Variants in DOCK6 observed in about 807,000 individuals in gnomAD.
The protein encoded by DOCK6 is dedicator of cytokinesis protein 6.
In DOCK6, 167 loss-of-function variants were observed where a neutral mutation model predicts 230.3. The observed-to-expected ratio is 0.73, with a 90% CI of 0.64 to 0.82. The LOEUF (loss-of-function observed/expected upper bound fraction) is 0.82, where lower values mean the gene tolerates loss of function less well. Ranked by LOEUF, DOCK6 falls within the 40% of genes least tolerant of loss-of-function variation. The pLI, the probability that DOCK6 is intolerant of heterozygous loss-of-function variation, is 0.00. For synonymous variants in DOCK6, 1,148 were observed against 1,185.0 expected, an observed-to-expected ratio of 0.97 and a Z score of 0.64; for missense variants, 2,598 against 2,825.8, an observed-to-expected ratio of 0.92 and a Z score of 1.83.
intron 22 of DOCK6, 137 bp from the exon 23 acceptor site, chr19:11,229,172 G>A (rs1455661719): frequency 5.8e-6 from 7 of 1,210,656 alleles, no homozygotes; most frequent in Non-Finnish European, 7.9e-6. Flanking sequence ...AGGGGGACAA[G>A]AGGAGTGGAA....
intron 22 of DOCK6, among the ~76,000 whole-genome samples, chr19:11,230,064 AAGG>A (rs2079739433): frequency 1.3e-5 from 2 of 150,418 alleles, no homozygotes; most frequent in African/African-American, 4.9e-5. Context: ...AAAAAAAAAA[AAGG>A]AGGATGCTGT....
chr19:11,212,565 C>CTT (rs111849239), intron 35 of DOCK6, among the ~76,000 whole-genome samples: 2 of 31,486 alleles, frequency 6.4e-5, no homozygotes, highest in Non-Finnish European at 2.6e-4. Context: ...TTCTTTCTTT[C>CTT]TTTTTTTTTT....
chr19:11,249,631 C>T (rs1404876771), intron 6 of DOCK6, among the ~76,000 whole-genome samples: 1 of 151,762 alleles, frequency 6.6e-6, no homozygotes, highest in Non-Finnish European at 1.5e-5. Context: ...CGCGGTGGCT[C>T]AAGCCTGTAA....
Position 11,202,087 on chromosome 19 carries a change from A to C in DOCK6, c.5490T>G (p.Asp1830Glu). ...IQITYVEPYF[D>E]TYELKDRVTY... ...TCACCCGGTCCTTGAGCTCGTAGGT[A>C]TCAAAGTACGGTTCCACATACGTGA... The change falls in exon 44 of 48, where the codon GAT (aspartate) becomes GAG (glutamate). Residue 1830 changes from aspartate to glutamate, a missense_variant. Asp to Glu is a conservative substitution (Grantham distance 45). Transcript: ENST00000294618. This position sits in a 1 kb window ranked among gnomAD's most constrained non-coding sequence, Gnocchi z 5.3. 1.9e-6 allele frequency: 3 copies of C among 1,614,032 alleles called. No individual in the cohort carries two copies. The highest frequency in any genetic ancestry group is 2.5e-6 in the Non-Finnish European group (3 of 1,179,898).
chr19:11,249,005 G>C (rs910026584), intron 6 of DOCK6, among the ~76,000 whole-genome samples: 9 of 152,156 alleles, frequency 5.9e-5, no homozygotes, highest in African/African-American at 2.2e-4. Context: ...GGTGTATATA[G>C]TAAGCACTCA....
chr19:11,208,469 C>G (rs2147724189), intron 39 of DOCK6: 2 of 503,026 alleles, frequency 4.0e-6, no homozygotes, highest in East Asian at 6.7e-5. Context: ...TTAGTAGAGA[C>G]AGGGTTTCAC....
rs890826443 is a variant in DOCK6, at chr19:11,251,255, A to G, written c.508-169T>C. 6 of 654,948 alleles carry G rather than the reference A, an allele frequency of 9.2e-6. No homozygotes were observed. In the Admixed American group the frequency reaches 1.4e-4, roughly 15 times the overall value. The allele number at this position is 654,948 out of a possible 1,614,324, so 40.6% of individuals were successfully genotyped here. A position where few individuals can be genotyped will look rare whatever the true frequency, so the allele number is the denominator to read the frequency against. On this transcript the variant is annotated intron_variant, in intron 5 of 47. Transcript: ENST00000294618. Reference sequence around the variant, plus strand: ...GGTTTTGCCTACCCTCTTTCCAGAAACTTCTGTCTGGAGAGCCTCCCAACT... The same window carrying G: ...GGTTTTGCCTACCCTCTTTCCAGAAGCTTCTGTCTGGAGAGCCTCCCAACT...
At chr19:11,253,050 C>CA (rs1436707499) in intron 2 of DOCK6, 92 bp from the exon 3 acceptor site, 19 of 1,291,732 alleles carry the variant, frequency 1.5e-5, no homozygotes, top group African/African-American at 3.0e-5. Context: ...GCTTCAAACT[C>CA]AAATAGGAGG....
chr19:11,252,683 C>A, intron 3 of DOCK6, 100 bp downstream of exon 3: 1 of 1,598,130 alleles, frequency 6.3e-7, no homozygotes. Flanking sequence ...CATGGCTTGT[C>A]CAACGTCACG....
At chr19:11,249,815 G>A (rs1385593688) in intron 6 of DOCK6, among the ~76,000 whole-genome samples, 4 of 136,260 alleles carry the variant, frequency 2.9e-5, no homozygotes, top group East Asian at 5.0e-4. Flanking sequence ...GGAGAATGGC[G>A]TGAACCCGGG....
chr19:11,199,391 TG>T lies in DOCK6; in HGVS notation c.*105del. ...AGAGGGCCCAGCCCCAAGTACAGTG[TG>T]GTCACCCCACAGCCCAGTGGGCACC... is the stretch of plus-strand genomic sequence containing the variant. On this transcript the variant is annotated 3_prime_UTR_variant, in exon 48 of 48. Coordinates refer to ENST00000294618, the MANE Select transcript of DOCK6 (RefSeq NM_020812.4). 1 of 1,342,688 alleles carries T rather than the reference TG, an allele frequency of 7.4e-7. No homozygotes were observed. Among genetic ancestry groups the T allele is most frequent in the Non-Finnish European group, 1.0e-6 (1 of 957,654 alleles). The allele number at this position is 1,342,688 out of a possible 1,614,324, so 83.2% of individuals were successfully genotyped here.
At chr19:11,219,500 T>C (rs1384885748) in intron 28 of DOCK6, among the ~76,000 whole-genome samples, 2 of 151,224 alleles carry the variant, frequency 1.3e-5, no homozygotes, top group Non-Finnish European at 2.9e-5. Context: ...AAAAAATCAC[T>C]GTTAATCGGC....
chr19:11,215,299 C>A (rs1286940643), intron 32 of DOCK6, 88 bp downstream of exon 32: 7 of 1,208,576 alleles, frequency 5.8e-6, no homozygotes, highest in Non-Finnish European at 8.4e-6. Flanking sequence ...GTTGCCCAGG[C>A]TGGTCTCGAA....
In DOCK6 at chr19:11,208,690, G is replaced by A. The variant is rs2079306475; in HGVS notation, c.5084C>T (p.Thr1695Ile). 2 of 1,610,654 alleles carry A rather than the reference G, an allele frequency of 1.2e-6. No homozygotes were observed. The highest frequency in any genetic ancestry group is 1.7e-6 in the Non-Finnish European group (2 of 1,177,392). Residue 1695 changes from threonine to isoleucine, a missense_variant, in exon 39 of 48, where the codon ACC becomes ATC. Thr to Ile is a moderately conservative substitution (Grantham distance 89). Transcript: ENST00000294618. ...GLLEQAAGYF[T>I]MGGLYEAVNE... The stretch of plus-strand genomic sequence containing the variant: ...ACCCAGTCCCCAAGGCCTCACCATG[G>A]TGAAGTAGCCGGCTGCCTGTTCCAG...
chr19:11,200,242 T>C lies in DOCK6; in HGVS notation c.6101+66A>G. The C allele has an allele frequency of 4.0e-6, 6 of 1,495,284 alleles. No individual in the cohort carries two copies. Among genetic ancestry groups the C allele is most frequent in the Non-Finnish European group, 5.4e-6 (6 of 1,111,942 alleles). 92.6% of individuals were successfully genotyped at this position (1,495,284 alleles called of 1,614,324 possible). ...TATGTGTACAACAGCCCCCATCCTGTACCTGTCCTGGTCTGCCTCTGCATC... is the reference window on the plus strand; with the variant it reads ...TATGTGTACAACAGCCCCCATCCTGCACCTGTCCTGGTCTGCCTCTGCATC... On this transcript the variant is annotated intron_variant, in intron 47 of 47. Transcript: ENST00000294618. The surrounding 1 kb of genome is among the most constrained non-coding windows in gnomAD (Gnocchi z 4.3).
At chr19:11,244,423 G>A (rs1291475771) in intron 9 of DOCK6, among the ~76,000 whole-genome samples, 3 of 136,374 alleles carry the variant, frequency 2.2e-5, no homozygotes, top group Non-Finnish European at 4.6e-5. Context: ...GAGTAGCTGG[G>A]ATTACAGGCA....
chr19:11,241,438 C>T (rs753983886), intron 14 of DOCK6: 11 of 1,541,786 alleles, frequency 7.1e-6, no homozygotes, highest in South Asian at 1.2e-5. Flanking sequence ...CATTCTGACC[C>T]CCACAGGCTC....
intron 37 of DOCK6, 111 bp downstream of exon 37, chr19:11,211,665 G>A (rs559406044): frequency 4.7e-6 from 4 of 851,340 alleles, no homozygotes; most frequent in African/African-American, 3.3e-5. Flanking sequence ...GTTAGGGACT[G>A]TATGCTCCCC....
At chr19:11,262,314 G>A (rs1363452920) in intron 1 of DOCK6, 83 bp downstream of exon 1, 4 of 897,406 alleles carry the variant, frequency 4.5e-6, no homozygotes, top group East Asian at 4.6e-5. Flanking sequence ...AATTGGGGGC[G>A]CCCGGGCGGG....
Sources: allele counts gnomAD v4.1 joint callset (sites outside exome capture counted in the v4.1 genomes callset), GRCh38; gene constraint gnomAD v4.1.1; non-coding constraint Gnocchi (gnomAD v3.1); transcripts MANE v1.5; gene names NCBI Gene and HGNC (gene_info 2026-07-23, HGNC 2026-07-21).